Variants in PLXNC1 observed in about 807,000 individuals in gnomAD.
PLXNC1 encodes plexin C1.
In PLXNC1, 75 loss-of-function variants were observed where a neutral mutation model predicts 178.2. The ratio of observed to expected loss-of-function variants is 0.42; its 90% confidence interval spans 0.35 to 0.51. The LOEUF (loss-of-function observed/expected upper bound fraction) is 0.51. PLXNC1 is among the 20% of genes least tolerant of loss of function. The pLI is 0.02. For synonymous variants in PLXNC1, 790 were observed against 779.9 expected, an observed-to-expected ratio of 1.01 and a Z score of -0.22; for missense variants, 1,503 against 1,984.4, an observed-to-expected ratio of 0.76 and a Z score of 4.61.
chr12:94,282,549 T>A, intron 23 of PLXNC1, 148 bp downstream of exon 23: 2 of 614,554 alleles, frequency 3.3e-6, no homozygotes, highest in South Asian at 4.0e-5. Context: ...CTTTCGTTGC[T>A]TGTGCAGACA....
chr12:94,165,071 A>T (rs142323691), intron 1 of PLXNC1, among the ~76,000 whole-genome samples: 1 of 152,318 alleles, frequency 6.6e-6, no homozygotes, highest in Non-Finnish European at 1.5e-5. Flanking sequence ...TTCAGAAATA[A>T]ATTACACATA....
intron 26 of PLXNC1, among the ~76,000 whole-genome samples, chr12:94,298,347 G>A (rs1203461143): frequency 1.3e-5 from 2 of 152,162 alleles, no homozygotes; most frequent in Non-Finnish European, 2.9e-5. Flanking sequence ...CCCTACAACT[G>A]ACATTTCAAC....
At chr12:94,278,644 G>A (rs924025914) in intron 21 of PLXNC1, among the ~76,000 whole-genome samples, 6 of 152,168 alleles carry the variant, frequency 3.9e-5, no homozygotes, top group African/African-American at 7.2e-5. Flanking sequence ...ATCTGACTGA[G>A]GATGTTGAAA....
In PLXNC1 at chr12:94,185,241, G is replaced by A. The variant is rs181318893; in HGVS notation, c.1339-1132G>A. Among the ~76,000 whole-genome samples the A allele has an allele frequency of 1.2e-3, 185 of 152,212 alleles. 1 individual carries two copies. The highest frequency in any genetic ancestry group is 8.3e-4 in the South Asian group (4 of 4,812). On this transcript the variant is annotated intron_variant, in intron 3 of 30. Transcript: ENST00000258526. ...TGGGGACTATGAAATGGAAGGGCGT[G>A]GTTATCCTCCATGAAGTCAACTTGG...
intron 1 of PLXNC1, chr12:94,168,192 A>G (rs1196339367): frequency 6.6e-6 from 1 of 152,172 alleles, no homozygotes; most frequent in Non-Finnish European, 1.5e-5. Flanking sequence ...ACCTTAGTAC[A>G]GTTGGGAACT....
rs182682016 is a variant in PLXNC1, at chr12:94,254,691, T to C, written c.2882-96T>C. The C allele has an allele frequency of 3.4e-5, 27 of 804,752 alleles. No homozygotes were observed. The East Asian group carries it at 7.0e-4, about 21-fold the overall frequency. 49.9% of individuals were successfully genotyped at this position (804,752 alleles called of 1,614,324 possible). A position where few individuals can be genotyped will look rare whatever the true frequency, so the allele number is the denominator to read the frequency against. Reference sequence around the variant, plus strand: ...TCTCTGTCCCTATCTGTTTTGTTTTTGTTTTTGTTTTTAAGAACTGTAAAG... The same window carrying C: ...TCTCTGTCCCTATCTGTTTTGTTTTCGTTTTTGTTTTTAAGAACTGTAAAG... On this transcript the variant is annotated intron_variant, in intron 15 of 30. Coordinates refer to ENST00000258526, the MANE Select transcript of PLXNC1 (RefSeq NM_005761.3).
chr12:94,263,197 A>ACCGCCTCC (rs1354353285), intron 20 of PLXNC1, among the ~76,000 whole-genome samples: 3 of 140,064 alleles, frequency 2.1e-5, no homozygotes, highest in Non-Finnish European at 4.7e-5. Flanking sequence ...CTCCTCCCCC[A>ACCGCCTCC]CCGCCTCCCC....
chr12:94,176,568 C>T (rs1298590893), intron 2 of PLXNC1, among the ~76,000 whole-genome samples: 2 of 152,130 alleles, frequency 1.3e-5, no homozygotes, highest in African/African-American at 4.8e-5. Context: ...GACTCACTCA[C>T]CCTCAAGGAT....
chr12:94,242,970 T>G (rs1372855389), intron 11 of PLXNC1, among the ~76,000 whole-genome samples: 1 of 152,240 alleles, frequency 6.6e-6, no homozygotes, highest in East Asian at 1.9e-4. Flanking sequence ...TTCTGTCACC[T>G]GCGACATTCT....
chr12:94,240,295 A>G (rs146810886), intron 10 of PLXNC1, among the ~76,000 whole-genome samples, 190 bp from the exon 11 acceptor site: 463 of 152,348 alleles, frequency 3.0e-3, no homozygotes, highest in African/African-American at 0.011. Context: ...TGTACTAAAG[A>G]AAGAGGAACC....
intron 2 of PLXNC1, among the ~76,000 whole-genome samples, chr12:94,179,345 G>T (rs1962218059): frequency 6.6e-6 from 1 of 152,208 alleles, no homozygotes; most frequent in South Asian, 2.1e-4. Context: ...ATCTGGATGT[G>T]TTCAAACTGA....
chr12:94,245,975 G>A (rs1211302484), intron 12 of PLXNC1, among the ~76,000 whole-genome samples: 1 of 152,192 alleles, frequency 6.6e-6, no homozygotes, highest in Non-Finnish European at 1.5e-5. Flanking sequence ...GACAATGAAA[G>A]CAGTCAGAAG....
chr12:94,241,379 C>A (rs1964385027), intron 11 of PLXNC1, among the ~76,000 whole-genome samples: 1 of 152,166 alleles, frequency 6.6e-6, no homozygotes, highest in Admixed American at 6.5e-5. Flanking sequence ...TTCCACTCTT[C>A]TAGCTATTTT....
chr12:94,162,681 A>C (rs1961429577), intron 1 of PLXNC1, among the ~76,000 whole-genome samples: 1 of 152,142 alleles, frequency 6.6e-6, no homozygotes, highest in Non-Finnish European at 1.5e-5. Flanking sequence ...TTATTGGGAA[A>C]TTCGACTGAG....
chr12:94,231,631 T>C (rs929031761), intron 9 of PLXNC1, among the ~76,000 whole-genome samples: 1 of 152,142 alleles, frequency 6.6e-6, no homozygotes, highest in African/African-American at 2.4e-5. Context: ...CTGAAACGTA[T>C]AGCGTCATCT....
chr12:94,277,720 T>A, intron 21 of PLXNC1: 4 of 344,920 alleles, frequency 1.2e-5, no homozygotes, highest in South Asian at 8.7e-5. Context: ...GTGGGCTGAA[T>A]CTGTTTGCAA....
intron 4 of PLXNC1, among the ~76,000 whole-genome samples, chr12:94,187,738 G>A (rs928147204): frequency 1.3e-5 from 2 of 152,330 alleles, no homozygotes; most frequent in East Asian, 3.9e-4. Context: ...GGCGATGATG[G>A]TGGTGATTAA....
rs1423050961 is a variant in PLXNC1, at chr12:94,307,481, T to G, written c.*2196T>G. On this transcript the variant is annotated 3_prime_UTR_variant, in exon 31 of 31. Transcript: ENST00000258526. ...TCTATTTTCAAGTTTCTTTGCATAT[T>G]TTTTTGGTGCAAAACCATTTATAAA... The G allele has an allele frequency of 6.6e-6, 1 of 152,206 alleles. No homozygotes were observed. Among genetic ancestry groups the G allele is most frequent in the East Asian group, 1.9e-4 (1 of 5,198 alleles). The allele number at this position is 152,206 out of a possible 1,614,324, so 9.4% of individuals were successfully genotyped here. A position where few individuals can be genotyped will look rare whatever the true frequency, so the allele number is the denominator to read the frequency against.
At chr12:94,172,432 A>G (rs1297389195) in intron 2 of PLXNC1, among the ~76,000 whole-genome samples, 1 of 152,322 alleles carries the variant, frequency 6.6e-6, no homozygotes, top group South Asian at 2.1e-4. Flanking sequence ...GAGTTTTAAT[A>G]TAATTTGGTG....
Sources: gnomAD v4.1 joint callset for allele counts (sites outside exome capture counted in the v4.1 genomes callset) on GRCh38, gnomAD v4.1.1 for gene constraint, MANE v1.5 for transcripts, NCBI Gene and HGNC (gene_info 2026-07-23, HGNC 2026-07-21) for gene names.